DIS3L2: variants seen among roughly 807,000 people sequenced by gnomAD.
The protein encoded by DIS3L2 is DIS3-like exonuclease 2.
DIS3L2 carries 34 observed loss-of-function variants against 97.5 expected under a neutral mutation model. The observed-to-expected ratio is 0.35, with a 90% confidence interval of 0.27 to 0.46. DIS3L2 has a LOEUF of 0.46. Ranked by LOEUF, DIS3L2 falls within the 20% of genes least tolerant of loss-of-function variation. The pLI is 1.00. For missense variants in DIS3L2, 1,038 were observed against 1,146.0 expected (o/e 0.91, Z 1.36); for synonymous variants, 435 against 445.2 (o/e 0.98, Z 0.29).
At chr2:232,000,575 T>A (rs1270013158) in intron 1 of DIS3L2, among the ~76,000 whole-genome samples, 1 of 151,058 alleles carries the variant, frequency 6.6e-6, no homozygotes, top group Non-Finnish European at 1.5e-5. Context: ...TCATCCATGT[T>A]GTTGCAAATG....
intron 5 of DIS3L2, among the ~76,000 whole-genome samples, chr2:232,072,783 GGTGTGTGTGTGTGTGTGTGT>G (rs56884799): frequency 7.2e-6 from 1 of 139,812 alleles, no homozygotes; most frequent in Non-Finnish European, 1.5e-5. Context: ...TGGGATGTGG[GGTGTGTGTGTGTGTGTGTGT>G]GTGTGTGTGT....
At chr2:232,277,878 C>A (rs1054455387) in intron 13 of DIS3L2, among the ~76,000 whole-genome samples, 2 of 152,160 alleles carry the variant, frequency 1.3e-5, no homozygotes, top group Non-Finnish European at 2.9e-5. Flanking sequence ...GCTGAATACT[C>A]CAGGCAGTTG....
chr2:232,248,394 C>T (rs1241135056), intron 11 of DIS3L2, among the ~76,000 whole-genome samples: 3 of 151,766 alleles, frequency 2.0e-5, no homozygotes, highest in Non-Finnish European at 4.4e-5. Context: ...TGCCATTAAT[C>T]AAGAAAAATA....
intron 1 of DIS3L2, among the ~76,000 whole-genome samples, chr2:231,970,287 T>C (rs1434465212): frequency 6.6e-6 from 1 of 152,190 alleles, no homozygotes; most frequent in African/African-American, 2.4e-5. Flanking sequence ...CGCATCGATT[T>C]TCAAATACAG....
intron 5 of DIS3L2, among the ~76,000 whole-genome samples, chr2:232,047,880 C>T (rs553600239): frequency 7.9e-5 from 12 of 152,298 alleles, no homozygotes; most frequent in African/African-American, 2.4e-4. Context: ...AGTTCTTCCA[C>T]GTTGTAGCAC....
intron 8 of DIS3L2, among the ~76,000 whole-genome samples, chr2:232,147,672 C>A (rs1175322957): frequency 6.6e-6 from 1 of 152,100 alleles, no homozygotes; most frequent in Non-Finnish European, 1.5e-5. Flanking sequence ...AAGCAGAAGA[C>A]AGAAACTACT....
chr2:232,234,661 A>G (rs1271102541), intron 10 of DIS3L2, among the ~76,000 whole-genome samples: 2 of 152,206 alleles, frequency 1.3e-5, no homozygotes, highest in African/African-American at 2.4e-5. Context: ...ATCATAGTCT[A>G]TGTTACATTT....
chr2:232,030,108 C>T, intron 5 of DIS3L2, 28 bp downstream of exon 5: 3 of 1,592,720 alleles, frequency 1.9e-6, no homozygotes, highest in South Asian at 2.2e-5. Context: ...TTTCTAATTA[C>T]AGATTTCTTA....
chr2:232,119,316 C>T (rs1460580063), intron 6 of DIS3L2, among the ~76,000 whole-genome samples: 1 of 152,118 alleles, frequency 6.6e-6, no homozygotes, highest in Non-Finnish European at 1.5e-5. Context: ...ACTAGCTAGT[C>T]CTTAGAAGAC....
At chr2:232,162,165 A>G (rs182589925) in intron 8 of DIS3L2, among the ~76,000 whole-genome samples, 19 of 151,922 alleles carry the variant, frequency 1.3e-4, no homozygotes, top group Admixed American at 9.2e-4. Flanking sequence ...CTTTCTGTTA[A>G]TTTTTCTCTC....
intron 12 of DIS3L2, among the ~76,000 whole-genome samples, chr2:232,262,159 T>C (rs1481027263): frequency 1.3e-5 from 2 of 152,088 alleles, no homozygotes; most frequent in African/African-American, 4.8e-5. Flanking sequence ...CTCCTTAACA[T>C]GAAGGAGGTG....
chr2:232,127,034 A>G (rs2106346602), intron 6 of DIS3L2, among the ~76,000 whole-genome samples: 1 of 152,296 alleles, frequency 6.6e-6, no homozygotes, highest in Admixed American at 6.5e-5. Context: ...GTGACAGAAC[A>G]TTATCCCTTA....
intron 5 of DIS3L2, among the ~76,000 whole-genome samples, chr2:232,060,577 A>G (rs1367760674): frequency 6.6e-6 from 1 of 152,150 alleles, no homozygotes; most frequent in East Asian, 1.9e-4. Flanking sequence ...TATAATTTGA[A>G]GTCTGGTAGA....
intron 1 of DIS3L2, among the ~76,000 whole-genome samples, chr2:231,991,071 A>C (rs1693572164): frequency 6.6e-6 from 1 of 150,668 alleles, no homozygotes; most frequent in Admixed American, 6.6e-5. Flanking sequence ...GTGCCCGGCT[A>C]ATTTTTGTAT....
intron 6 of DIS3L2, among the ~76,000 whole-genome samples, chr2:232,109,173 C>T (rs1350973404): frequency 2.0e-5 from 3 of 152,094 alleles, no homozygotes; most frequent in African/African-American, 4.8e-5. Context: ...AGGGGCCAGG[C>T]GGTGGCTCAT....
At chr2:232,139,021 A>G (rs1393570067) in intron 8 of DIS3L2, among the ~76,000 whole-genome samples, 2 of 152,242 alleles carry the variant, frequency 1.3e-5, no homozygotes, top group African/African-American at 4.8e-5. Flanking sequence ...TTCGTTACTT[A>G]AGGAACTTAT....
At chr2:231,970,340 T>C (rs1380720769) in intron 1 of DIS3L2, among the ~76,000 whole-genome samples, 2 of 152,162 alleles carry the variant, frequency 1.3e-5, no homozygotes, top group Non-Finnish European at 2.9e-5. Flanking sequence ...GAGAAATGCA[T>C]TGTTAGGTAA....
rs913015144 is a variant in DIS3L2, at chr2:232,182,720, A to G, written c.1124+19088A>G. 6.6e-5 allele frequency among the ~76,000 whole-genome samples: 10 copies of G among 152,110 alleles called. No homozygotes were observed. In the East Asian group the frequency reaches 1.7e-3, roughly 26 times the overall value. ...TGCCTTGAATTCTATTTTGTCTGCT[A>G]TTAGTTTGGCTACTCCAGCTCTCTT... On this transcript the variant is annotated intron_variant, in intron 9 of 20. Coordinates refer to ENST00000325385, the MANE Select transcript of DIS3L2 (RefSeq NM_152383.5).
chr2:232,256,928 G>C (rs971768707), intron 12 of DIS3L2, among the ~76,000 whole-genome samples: 8 of 152,068 alleles, frequency 5.3e-5, no homozygotes, highest in African/African-American at 1.9e-4. Flanking sequence ...GACCAGCTTG[G>C]CCAACATGGT....
Sources: allele counts gnomAD v4.1 joint callset (sites outside exome capture counted in the v4.1 genomes callset), GRCh38; gene constraint gnomAD v4.1.1; transcripts MANE v1.5; gene names NCBI Gene and HGNC (gene_info 2026-07-23, HGNC 2026-07-21).